Variants in ASZ1 observed in about 807,000 individuals in gnomAD.
ASZ1 encodes ankyrin repeat, SAM and basic leucine zipper domain containing 1.
Under a neutral mutation model 61.8 loss-of-function variants are expected in ASZ1, and 67 were observed. That is an observed-to-expected ratio of 1.08 (90% confidence interval 0.89 to 1.33). ASZ1 has a LOEUF of 1.33. ASZ1 is among the 40% of genes most tolerant of loss of function. ASZ1 has a pLI of 0.00. For missense variants in ASZ1, 577 were observed against 554.5 expected, an observed-to-expected ratio of 1.04 and a Z score of -0.41; for synonymous variants, 193 against 192.7, an observed-to-expected ratio of 1.00 and a Z score of -0.01.
chr7:117,421,333 C>T (rs1797095885), intron 3 of ASZ1, among the ~76,000 whole-genome samples: 1 of 152,074 alleles, frequency 6.6e-6, no homozygotes, highest in African/African-American at 2.4e-5. Flanking sequence ...CTGCCTCAGC[C>T]TTCTGAGTAG....
chr7:117,427,315 G>A (rs775461511), intron 1 of ASZ1, 41 bp downstream of exon 1: 1 of 1,603,430 alleles, frequency 6.2e-7, no homozygotes, highest in Non-Finnish European at 8.5e-7. Context: ...GCCAGGGGAG[G>A]CTGAAACCAG....
Position 117,426,360 on chromosome 7 carries a change from C to G in ASZ1, c.205+476G>C, listed in dbSNP as rs1216703036. The stretch of plus-strand genomic sequence containing the variant: ...AAAAAATTAGCCGGGCGTGGTGTCA[C>G]GCGCTTGTAGTCCCAGCTACTCAGG... On this transcript the variant is annotated intron_variant, in intron 2 of 12. Transcript: ENST00000284629. Among the ~76,000 whole-genome samples the G allele has an allele frequency of 3.3e-5, 5 of 149,682 alleles. No homozygotes were observed. The East Asian group carries it at 9.8e-4, about 29-fold the overall frequency.
At chr7:117,392,593 G>C (rs1028126479) in intron 4 of ASZ1, among the ~76,000 whole-genome samples, 1 of 152,022 alleles carries the variant, frequency 6.6e-6, no homozygotes, top group Non-Finnish European at 1.5e-5. Flanking sequence ...GGAGTCTTCT[G>C]GGGGAAATCT....
At chr7:117,417,050 A>G (rs1166899523) in intron 4 of ASZ1, among the ~76,000 whole-genome samples, 2 of 152,168 alleles carry the variant, frequency 1.3e-5, no homozygotes, top group African/African-American at 4.8e-5. Context: ...CTTATGAGGT[A>G]TTTCCACAGA....
intron 2 of ASZ1, among the ~76,000 whole-genome samples, chr7:117,425,289 G>A (rs1184376611): frequency 5.1e-5 from 5 of 98,912 alleles, no homozygotes; most frequent in Admixed American, 1.7e-4. Flanking sequence ...TTTTTGAGAC[G>A]GAGTCTCGCT....
intron 4 of ASZ1, 77 bp from the exon 5 acceptor site, chr7:117,385,886 C>T (rs1796346315): frequency 8.5e-7 from 1 of 1,175,176 alleles, no homozygotes; most frequent in African/African-American, 1.5e-5. Flanking sequence ...TAACCATACA[C>T]AATACCACCA....
chr7:117,416,222 G>C (rs945604759), intron 4 of ASZ1, among the ~76,000 whole-genome samples: 1 of 152,038 alleles, frequency 6.6e-6, no homozygotes, highest in Non-Finnish European at 1.5e-5. Context: ...AATAAAAAAG[G>C]AGTGGATAGT....
intron 12 of ASZ1, 33 bp downstream of exon 12, chr7:117,367,319 A>AT: frequency 7.2e-7 from 1 of 1,394,230 alleles, no homozygotes; most frequent in Non-Finnish European, 9.4e-7. Context: ...ATTTCCCTTC[A>AT]TTTTTCCCCT....
chr7:117,406,039 T>C (rs761962861), intron 4 of ASZ1, among the ~76,000 whole-genome samples: 3 of 152,190 alleles, frequency 2.0e-5, no homozygotes, highest in Non-Finnish European at 4.4e-5. Flanking sequence ...CCAGATTCTT[T>C]AGCTCAGAAC....
At chr7:117,400,415 T>C (rs1277398702) in intron 4 of ASZ1, among the ~76,000 whole-genome samples, 2 of 152,092 alleles carry the variant, frequency 1.3e-5, no homozygotes, top group African/African-American at 4.8e-5. Flanking sequence ...AAAGCAGCAT[T>C]TGGTGAATTG....
At chr7:117,406,690 T>C (rs1796788613) in intron 4 of ASZ1, among the ~76,000 whole-genome samples, 1 of 151,338 alleles carries the variant, frequency 6.6e-6, no homozygotes, top group African/African-American at 2.4e-5. Flanking sequence ...GAGGCGGAGG[T>C]TGTGGTGAGC....
intron 10 of ASZ1, among the ~76,000 whole-genome samples, chr7:117,375,472 A>AAT (rs1350695223): frequency 1.3e-5 from 2 of 152,082 alleles, no homozygotes; most frequent in African/African-American, 4.8e-5. Context: ...AAATATAGTT[A>AAT]ATCTTAGACT....
intron 1 of ASZ1, 128 bp from the exon 2 acceptor site, chr7:117,427,063 G>A (rs1797234697): frequency 9.4e-7 from 1 of 1,059,454 alleles, no homozygotes; most frequent in Non-Finnish European, 1.3e-6. Context: ...AAGATACAAA[G>A]TTTGAAAAGA....
In ASZ1 at chr7:117,368,142, G is replaced by T. The variant is rs370630323; in HGVS notation, c.1161+470C>A. ...GGGTCTCACCATGCTGCTCAGGCTG[G>T]TCTCAAACTCCTGGCCTCAAGCAAT... On this transcript the variant is annotated intron_variant, in intron 11 of 12. Transcript: ENST00000284629. 4 of 629,548 alleles carry T rather than the reference G, an allele frequency of 6.4e-6. No individual in the cohort carries two copies. In the South Asian group the frequency reaches 2.1e-4, roughly 33 times the overall value. 39.0% of individuals were successfully genotyped at this position (629,548 alleles called of 1,614,324 possible). A position where few individuals can be genotyped will look rare whatever the true frequency, so the allele number is the denominator to read the frequency against.
intron 4 of ASZ1, among the ~76,000 whole-genome samples, chr7:117,398,540 T>C (rs1219462449): frequency 6.6e-6 from 1 of 152,254 alleles, no homozygotes; most frequent in Non-Finnish European, 1.5e-5. Context: ...CTGGCAGGTA[T>C]AGTGCTGATG....
rs368811857 is a variant in ASZ1, at chr7:117,420,238, T to C, written c.365A>G (p.His122Arg). ...QSILITACSA[H>R]GSEEQILKCV... is the part of the protein sequence containing the mutation. ...CTTCAAGATCTGTTCCTCTGAGCCA[T>C]GAGCAGAACATGCAGTTATCAAAAT... Residue 122 changes from histidine to arginine, a missense_variant, in exon 4 of 13, where the codon CAT (histidine) becomes CGT (arginine). By Grantham distance (29) the His-to-Arg change is conservative. Transcript: ENST00000284629. 4.8e-5 allele frequency: 77 copies of C among 1,612,698 alleles called. No homozygotes were observed. Among genetic ancestry groups the C allele is most frequent in the Non-Finnish European group, 5.3e-5 (63 of 1,179,728 alleles).
intron 4 of ASZ1, among the ~76,000 whole-genome samples, chr7:117,387,873 T>C (rs1372577595): frequency 6.6e-6 from 1 of 152,186 alleles, no homozygotes; most frequent in African/African-American, 2.4e-5. Flanking sequence ...TACAGATCCT[T>C]ATTAAGAGAA....
intron 10 of ASZ1, among the ~76,000 whole-genome samples, chr7:117,375,140 A>G (rs572341955): frequency 1.2e-4 from 18 of 152,206 alleles, no homozygotes; most frequent in African/African-American, 4.3e-4. Flanking sequence ...GAATGAAAAC[A>G]ATTATTATAG....
intron 4 of ASZ1, among the ~76,000 whole-genome samples, chr7:117,392,101 C>G (rs751781447): frequency 5.9e-5 from 9 of 152,028 alleles, no homozygotes; most frequent in Non-Finnish European, 1.0e-4. Context: ...CCTCATATGA[C>G]TTTTAGAATA....
Sources: allele counts gnomAD v4.1 joint callset (sites outside exome capture counted in the v4.1 genomes callset), GRCh38; gene constraint gnomAD v4.1.1; transcripts MANE v1.5; gene names NCBI Gene and HGNC (gene_info 2026-07-23, HGNC 2026-07-21).